TAFA1: variants seen among roughly 807,000 people sequenced by gnomAD.
TAFA1 encodes TAFA chemokine like family member 1.
In TAFA1, 4 loss-of-function variants were observed where a neutral mutation model predicts 18.5. The observed-to-expected ratio is 0.22, with a 90% confidence interval of 0.11 to 0.49. The LOEUF (loss-of-function observed/expected upper bound fraction) is 0.49. Ranked by LOEUF, TAFA1 falls within the 20% of genes least tolerant of loss-of-function variation. TAFA1 has a pLI of 0.98. For missense variants in TAFA1, 147 were observed against 169.0 expected, an observed-to-expected ratio of 0.87 and a Z score of 0.72; for synonymous variants, 56 against 55.2, an observed-to-expected ratio of 1.01 and a Z score of -0.06.
chr3:68,230,046 A>G lies in TAFA1; in HGVS notation c.119-187234A>G, dbSNP rs1444463419. On this transcript the variant is annotated intron_variant, in intron 2 of 4. Transcript: ENST00000478136. ...ATGGGATATTTTAGCACAAGCATGCAGTAAGTAATGATCCAATCAGTATAA... is the reference window on the plus strand; with the variant it reads ...ATGGGATATTTTAGCACAAGCATGCGGTAAGTAATGATCCAATCAGTATAA... Among the ~76,000 whole-genome samples, 4 of 152,200 alleles carry G rather than the reference A, an allele frequency of 2.6e-5. No homozygotes were observed. The South Asian group carries it at 8.3e-4, about 32-fold the overall frequency.
intron 2 of TAFA1, among the ~76,000 whole-genome samples, chr3:68,332,910 T>C (rs946652046): frequency 1.3e-5 from 2 of 152,222 alleles, no homozygotes; most frequent in Non-Finnish European, 1.5e-5. Flanking sequence ...GTGTTCAACA[T>C]TGCTAATCAT....
intron 2 of TAFA1, among the ~76,000 whole-genome samples, chr3:68,225,124 G>C (rs1325270198): frequency 6.6e-6 from 1 of 151,688 alleles, no homozygotes; most frequent in African/African-American, 2.4e-5. Context: ...TGGCCAGGCT[G>C]GTCTTCAACT....
upstream of TAFA1, among the ~76,000 whole-genome samples, chr3:68,004,026 C>T (rs145032297): frequency 0.017 from 2,582 of 152,248 alleles, 83 homozygotes; most frequent in African/African-American, 0.059. Context: ...CAGTATTTTG[C>T]AGAATGCTTT....
chr3:68,163,849 C>A (rs896258839), intron 2 of TAFA1, among the ~76,000 whole-genome samples: 3 of 152,154 alleles, frequency 2.0e-5, no homozygotes, highest in African/African-American at 7.2e-5. Flanking sequence ...ACCGTGTAAC[C>A]AGTCAAACTC....
intron 2 of TAFA1, among the ~76,000 whole-genome samples, chr3:68,235,320 G>C (rs78257847): frequency 0.016 from 2,432 of 152,178 alleles, 59 homozygotes; most frequent in African/African-American, 0.055. Context: ...TAAATGAACT[G>C]TTGCTCTTCA....
rs2068443572 is a variant in TAFA1, at chr3:68,307,616, CAATATT to C, written c.119-109663_119-109658del. On this transcript the variant is annotated intron_variant, in intron 2 of 4. Transcript: ENST00000478136. ...ATTTGCCTCTACTTTTTTTTGGAAA[CAATATT>C]TATATTTTATCTCTACTATGTGATT... Among the ~76,000 whole-genome samples the C allele has an allele frequency of 2.0e-5, 3 of 151,994 alleles. No homozygotes were observed. The South Asian group carries it at 6.2e-4, about 32-fold the overall frequency.
At chr3:68,046,399 C>T (rs2064383944) in intron 2 of TAFA1, among the ~76,000 whole-genome samples, 3 of 152,116 alleles carry the variant, frequency 2.0e-5, no homozygotes, top group Non-Finnish European at 2.9e-5. Flanking sequence ...TACTTAATTT[C>T]AACTTTATTA....
chr3:68,285,071 G>C (rs1215609113), intron 2 of TAFA1, among the ~76,000 whole-genome samples: 1 of 152,174 alleles, frequency 6.6e-6, no homozygotes, highest in African/African-American at 2.4e-5. Flanking sequence ...CTGGGTGATA[G>C]AGCCAGATCC....
At chr3:68,374,904 C>G (rs1047554984) in intron 2 of TAFA1, among the ~76,000 whole-genome samples, 1 of 151,988 alleles carries the variant, frequency 6.6e-6, no homozygotes, top group African/African-American at 2.4e-5. Flanking sequence ...CACCTCTTAT[C>G]TCTTGCCTGC....
chr3:68,127,627 TCGTGGTGGTG>T (rs2065480749), intron 2 of TAFA1, among the ~76,000 whole-genome samples: 1 of 42 alleles, frequency 0.024, no homozygotes, highest in Non-Finnish European at 0.071. Flanking sequence ...GTGATGATGG[TCGTGGTGGTG>T]ATGCTGATGA....
intron 2 of TAFA1, among the ~76,000 whole-genome samples, chr3:68,049,520 A>G (rs1575591193): frequency 6.6e-6 from 1 of 152,192 alleles, no homozygotes; most frequent in South Asian, 2.1e-4. Context: ...CTTGGCACAC[A>G]TGAATTCTGC....
In TAFA1 at chr3:68,119,341, C is replaced by G. The variant is rs147488674; in HGVS notation, c.118+112597C>G. 3.1e-3 allele frequency among the ~76,000 whole-genome samples: 470 copies of G among 152,100 alleles called. 3 individuals are homozygous for G. Among genetic ancestry groups the G allele is most frequent in the African/African-American group, 0.01 (420 of 41,532 alleles). On this transcript the variant is annotated intron_variant, in intron 2 of 4. Coordinates refer to ENST00000478136, the MANE Select transcript of TAFA1 (RefSeq NM_213609.4). ...TTCTCTCATTCCATACATTGCCTTT[C>G]CACTCTTGATTTTTTTCCTTTGGTG...
chr3:68,188,268 G>A (rs936008570), intron 2 of TAFA1, among the ~76,000 whole-genome samples: 1 of 151,728 alleles, frequency 6.6e-6, no homozygotes, highest in Non-Finnish European at 1.5e-5. Context: ...ACATTGATAG[G>A]AATAAGTTTG....
intron 2 of TAFA1, among the ~76,000 whole-genome samples, chr3:68,119,828 C>A (rs1276907604): frequency 6.6e-6 from 1 of 152,150 alleles, no homozygotes; most frequent in African/African-American, 2.4e-5. Flanking sequence ...CCTTTTTCTT[C>A]TTTTTCAAGA....
intron 2 of TAFA1, among the ~76,000 whole-genome samples, chr3:68,156,499 C>T (rs1261200814): frequency 2.0e-5 from 3 of 152,154 alleles, no homozygotes; most frequent in Admixed American, 6.5e-5. Flanking sequence ...TCAGTTTCCT[C>T]ATCTGCAAAA....
At chr3:68,083,050 A>G (rs1360635254) in intron 2 of TAFA1, among the ~76,000 whole-genome samples, 3 of 152,244 alleles carry the variant, frequency 2.0e-5, no homozygotes, top group Non-Finnish European at 4.4e-5. Context: ...AATATTAATG[A>G]AGATCACAGC....
At chr3:68,456,315 C>T (rs1487431809) in intron 3 of TAFA1, among the ~76,000 whole-genome samples, 1 of 152,148 alleles carries the variant, frequency 6.6e-6, no homozygotes, top group Admixed American at 6.6e-5. Flanking sequence ...GGCTTAAATC[C>T]TGGTGCTTGC....
chr3:68,462,059 A>T (rs1365249798), intron 3 of TAFA1, among the ~76,000 whole-genome samples: 2 of 152,192 alleles, frequency 1.3e-5, no homozygotes, highest in African/African-American at 4.8e-5. Context: ...AAAACTCTGG[A>T]AAATTCTCAG....
At chr3:68,496,699 C>G (rs561425201) in intron 3 of TAFA1, among the ~76,000 whole-genome samples, 1 of 152,196 alleles carries the variant, frequency 6.6e-6, no homozygotes, top group African/African-American at 2.4e-5. Flanking sequence ...ATATGGGACC[C>G]AAGTGTCAAG....
Sources: gnomAD v4.1 joint callset for allele counts (sites outside exome capture counted in the v4.1 genomes callset) on GRCh38, gnomAD v4.1.1 for gene constraint, MANE v1.5 for transcripts, NCBI Gene and HGNC (gene_info 2026-07-23, HGNC 2026-07-21) for gene names.